Variants in FOCAD observed in about 807,000 individuals in gnomAD.
The protein encoded by FOCAD is KIAA1797.
FOCAD carries 198 observed loss-of-function variants against 225.6 expected under a neutral mutation model. The ratio of observed to expected loss-of-function variants is 0.88; its 90% CI spans 0.78 to 0.99. The LOEUF (loss-of-function observed/expected upper bound fraction) is 0.99, where lower values mean the gene tolerates loss of function less well. Among genes scored for constraint, FOCAD ranks in the 50% least tolerant of loss-of-function variants. The probability of loss-of-function intolerance (pLI) is 0.00; values close to 1 mark genes in which losing one functional copy is unlikely to be tolerated. For missense variants in FOCAD, 2,713 were observed against 2,123.6 expected (o/e 1.28, Z -5.46); for synonymous variants, 897 against 755.0 (o/e 1.19, Z -3.08).
At chr9:20,788,390 G>T (rs1482363827) in intron 10 of FOCAD, among the ~76,000 whole-genome samples, 1 of 152,108 alleles carries the variant, frequency 6.6e-6, no homozygotes, top group Non-Finnish European at 1.5e-5. Flanking sequence ...GATGATGGTT[G>T]CACAGCTCTA....
rs749761518 is a variant in FOCAD at position 20,990,117 on chromosome 9, T to G, written c.5005-6T>G. 3.7e-6 allele frequency: 6 copies of G among 1,613,918 alleles called. No individual in the cohort carries two copies. The highest frequency in any genetic ancestry group is 5.1e-6 in the Non-Finnish European group (6 of 1,179,792). ...TGACCTAACGTCATTTCTATTTTCATCGTAGGCTTTGGACTTCTTCTTGCT... is the reference window on the plus strand; with the variant it reads ...TGACCTAACGTCATTTCTATTTTCAGCGTAGGCTTTGGACTTCTTCTTGCT... On this transcript the variant is annotated splice_polypyrimidine_tract_variant and splice_region_variant and intron_variant, in intron 41 of 43. Coordinates refer to ENST00000338382, the MANE Select transcript of FOCAD (RefSeq NM_001375567.1).
chr9:20,919,288 C>T (rs889215283), intron 24 of FOCAD, among the ~76,000 whole-genome samples: 3 of 152,150 alleles, frequency 2.0e-5, no homozygotes, highest in African/African-American at 7.2e-5. Flanking sequence ...AGGAGAACTA[C>T]GGACCACTGC....
upstream of FOCAD, among the ~76,000 whole-genome samples, chr9:20,679,342 AT>A (rs1274958084): frequency 1.3e-5 from 2 of 152,042 alleles, no homozygotes. Context: ...GAGCTCTGTG[AT>A]TTAGTACTGA....
intron 15 of FOCAD, among the ~76,000 whole-genome samples, chr9:20,826,163 C>G (rs1371964659): frequency 6.6e-6 from 1 of 152,088 alleles, no homozygotes; most frequent in Non-Finnish European, 1.5e-5. Context: ...TTGGGTGCAT[C>G]TCTGAGGGTT....
intron 4 of FOCAD, among the ~76,000 whole-genome samples, chr9:20,728,254 T>C (rs1294870770): frequency 1.3e-5 from 2 of 152,208 alleles, no homozygotes; most frequent in Non-Finnish European, 2.9e-5. Flanking sequence ...TCAGATTTTA[T>C]GTTTTTTGGA....
At chr9:20,904,391 CT>C (rs1029511829) in intron 21 of FOCAD, among the ~76,000 whole-genome samples, 1 of 151,880 alleles carries the variant, frequency 6.6e-6, no homozygotes, top group African/African-American at 2.4e-5. Flanking sequence ...TTACTTTGGT[CT>C]TTACATCCTC....
intron 39 of FOCAD, among the ~76,000 whole-genome samples, chr9:20,984,918 AGCCTCCAGAGTAGCTGGGATTACAG>A (rs1218277554): frequency 1.3e-5 from 2 of 152,220 alleles, no homozygotes. Context: ...CGCCTGCCTC[AGCCTCCAGAGTAGCTGGGATTACAG>A]GCATCCACCA....
chr9:20,845,417 G>C (rs1463376408), intron 15 of FOCAD, among the ~76,000 whole-genome samples: 4 of 120,230 alleles, frequency 3.3e-5, no homozygotes, highest in Non-Finnish European at 6.8e-5. Flanking sequence ...TTCTCCTCTT[G>C]ATATATTTTA....
intron 4 of FOCAD, among the ~76,000 whole-genome samples, chr9:20,725,749 T>G (rs1230978658): frequency 6.6e-6 from 1 of 152,226 alleles, no homozygotes; most frequent in East Asian, 1.9e-4. Flanking sequence ...TGAAAAAGAC[T>G]TGACATTTGC....
Position 20,978,383 on chromosome 9 carries a change from GCA to G in FOCAD, c.4309_4310del (p.Gln1437ValfsTer42), listed in dbSNP as rs778655720. On this transcript the variant is annotated frameshift_variant, in exon 37 of 44. Transcript: ENST00000338382. LOFTEE classifies it high-confidence loss of function. ...GTGCCTTGAAATTATGGTGACCCAG[GCA>G]CAGTCATCCCAGAATGCAGCTGCAC... Reference protein sequence around the residue: ...QLCLEIMVTQAQSSQNAAALL... With the variant: ...QLCLEIMVTQXQSSQNAAALL... 2.5e-6 allele frequency: 4 copies of G among 1,611,776 alleles called. No homozygotes were observed. Among genetic ancestry groups the G allele is most frequent in the Non-Finnish European group, 2.5e-6 (3 of 1,178,794 alleles).
At chr9:20,737,767 C>T (rs2131642360) in intron 4 of FOCAD, among the ~76,000 whole-genome samples, 1 of 152,284 alleles carries the variant, frequency 6.6e-6, no homozygotes, top group East Asian at 1.9e-4. Context: ...AGGCCTGGGT[C>T]AGAGCTGCAG....
chr9:20,976,991 A>G (rs1840285380), intron 36 of FOCAD, among the ~76,000 whole-genome samples: 1 of 152,186 alleles, frequency 6.6e-6, no homozygotes, highest in Non-Finnish European at 1.5e-5. Context: ...GAAGTCCAAC[A>G]TGTTTCTCAC....
intron 11 of FOCAD, among the ~76,000 whole-genome samples, chr9:20,790,564 G>A (rs1349958947): frequency 2.0e-5 from 3 of 152,188 alleles, no homozygotes; most frequent in Non-Finnish European, 4.4e-5. Flanking sequence ...TTGAGGTCAA[G>A]AGTTCGAGAC....
At chr9:20,993,450 G>A (rs1841834183) in intron 43 of FOCAD, 122 bp downstream of exon 43, 2 of 802,696 alleles carry the variant, frequency 2.5e-6, no homozygotes, top group Non-Finnish European at 4.0e-6. Context: ...TGGGACCAGA[G>A]GTGTTTTGGA....
intron 15 of FOCAD, among the ~76,000 whole-genome samples, chr9:20,851,104 T>G (rs2131620342): frequency 6.6e-6 from 1 of 151,382 alleles, no homozygotes; most frequent in East Asian, 1.9e-4. Context: ...AGTGTCAGGG[T>G]TTGTCTTGTC....
chr9:20,759,845 A>G (rs937756762), intron 6 of FOCAD, among the ~76,000 whole-genome samples: 6 of 152,246 alleles, frequency 3.9e-5, no homozygotes, highest in Non-Finnish European at 7.3e-5. Context: ...TATAGGAGAT[A>G]AGTTCTTCCC....
At chr9:20,923,296 T>C (rs1834625705) in intron 24 of FOCAD, among the ~76,000 whole-genome samples, 1 of 152,220 alleles carries the variant, frequency 6.6e-6, no homozygotes, top group Non-Finnish European at 1.5e-5. Context: ...GTCTTAGTTA[T>C]GTCTTTACAA....
chr9:20,851,679 G>C (rs1827673901), intron 15 of FOCAD, among the ~76,000 whole-genome samples: 1 of 151,888 alleles, frequency 6.6e-6, no homozygotes, highest in African/African-American at 2.4e-5. Context: ...GTTAGAATCT[G>C]TAGTGTGATG....
intron 35 of FOCAD, among the ~76,000 whole-genome samples, chr9:20,962,263 C>G (rs1838806404): frequency 6.6e-6 from 1 of 152,082 alleles, no homozygotes; most frequent in Non-Finnish European, 1.5e-5. Context: ...TGTTTAAACT[C>G]TGTCTTTTCC....
Sources: gnomAD v4.1 joint callset for allele counts (sites outside exome capture counted in the v4.1 genomes callset) on GRCh38, gnomAD v4.1.1 for gene constraint, MANE v1.5 for transcripts, NCBI Gene and HGNC (gene_info 2026-07-23, HGNC 2026-07-21) for gene names.